The following GPI variants were observed in gnomAD, a reference collection of about 807,000 sequenced individuals.
The protein encoded by GPI is glucose-6-phosphate isomerase.
GPI carries 56 observed loss-of-function variants against 75.8 expected under a neutral mutation model. That is an observed-to-expected ratio of 0.74 (90% CI 0.60 to 0.92). The LOEUF (loss-of-function observed/expected upper bound fraction) is 0.92, where lower values mean the gene tolerates loss of function less well. GPI is among the 40% of genes least tolerant of loss of function. The pLI is 0.00. For synonymous variants in GPI, 288 were observed against 285.4 expected (o/e 1.01, Z -0.09); for missense variants, 638 against 741.0 (o/e 0.86, Z 1.61).
intron 14 of GPI, chr19:34,398,565 C>T (rs1019326239): frequency 6.6e-6 from 1 of 152,200 alleles, no homozygotes; most frequent in Non-Finnish European, 1.5e-5. Context: ...ACCTCAGCCT[C>T]CTGGGTTCAA....
upstream of GPI, among the ~76,000 whole-genome samples, chr19:34,360,179 C>T (rs928581235): frequency 1.3e-5 from 2 of 152,112 alleles, no homozygotes; most frequent in African/African-American, 2.4e-5. Context: ...GGGCATGACC[C>T]CTCCCAGCTT....
At chr19:34,383,295 C>G (rs1163327242) in intron 9 of GPI, among the ~76,000 whole-genome samples, 1 of 152,132 alleles carries the variant, frequency 6.6e-6, no homozygotes, top group Non-Finnish European at 1.5e-5. Context: ...AGGAGAGGGA[C>G]CCATAGGTCT....
At chr19:34,379,457 G>A in intron 7 of GPI, 61 bp from the exon 8 acceptor site, 1 of 1,432,958 alleles carries the variant, frequency 7.0e-7, no homozygotes, top group Non-Finnish European at 9.9e-7. Context: ...TCTAGTGATG[G>A]GAAGTGACTA....
chr19:34,371,629 T>C (rs1388975676), intron 4 of GPI, among the ~76,000 whole-genome samples: 1 of 151,794 alleles, frequency 6.6e-6, no homozygotes, highest in Non-Finnish European at 1.5e-5. Context: ...GGTGGGTGGA[T>C]CACGAGGTCA....
In GPI at chr19:34,368,813, C is replaced by G. The variant is rs1028415373; in HGVS notation, c.402+111C>G. On this transcript the variant is annotated intron_variant, in intron 4 of 17. Coordinates refer to ENST00000356487, the MANE Select transcript of GPI (RefSeq NM_000175.5). ...TCTTCTTGTAGGCAGGACTCAGGTTCTCACTGCAGCTTAAGGGAGGGGTTG... is the reference window on the plus strand; with the variant it reads ...TCTTCTTGTAGGCAGGACTCAGGTTGTCACTGCAGCTTAAGGGAGGGGTTG... The G allele has an allele frequency of 2.4e-6, 3 of 1,229,522 alleles. No homozygotes were observed. The African/African-American group carries it at 4.5e-5, about 18-fold the overall frequency. 76.2% of individuals were successfully genotyped at this position (1,229,522 alleles called of 1,614,324 possible).
At chr19:34,384,114 G>A (rs949706305) in intron 9 of GPI, among the ~76,000 whole-genome samples, 1 of 152,160 alleles carries the variant, frequency 6.6e-6, no homozygotes, top group Non-Finnish European at 1.5e-5. Context: ...GTCGAGCTGG[G>A]TCTGACAAGT....
intron 6 of GPI, 79 bp from the exon 7 acceptor site, chr19:34,378,855 C>A: frequency 9.9e-7 from 1 of 1,010,780 alleles, no homozygotes; most frequent in Non-Finnish European, 1.6e-6. Flanking sequence ...ATTGCCTTGG[C>A]CTCTACTGCT....
chr19:34,383,246 C>T (rs1354260640), intron 9 of GPI, among the ~76,000 whole-genome samples: 1 of 152,142 alleles, frequency 6.6e-6, no homozygotes, highest in African/African-American at 2.4e-5. Flanking sequence ...GAAGCAGAGC[C>T]AGAGCAGGTC....
At chr19:34,382,613 C>T (rs984771679) in intron 9 of GPI, among the ~76,000 whole-genome samples, 2 of 152,142 alleles carry the variant, frequency 1.3e-5, no homozygotes, top group South Asian at 4.1e-4. Flanking sequence ...AGGGCAGGCA[C>T]CTTCCACCTC....
intron 9 of GPI, among the ~76,000 whole-genome samples, chr19:34,382,092 CT>C (rs1296409503): frequency 6.6e-6 from 1 of 152,190 alleles, no homozygotes; most frequent in African/African-American, 2.4e-5. Context: ...TGAGCCACAG[CT>C]TTCCTTGTGC....
intron 1 of GPI, 187 bp from the exon 2 acceptor site, chr19:34,366,158 G>T: frequency 1.4e-6 from 1 of 699,518 alleles, no homozygotes. Context: ...TTCTTTCTCT[G>T]GGCTGCTGTT....
intron 4 of GPI, among the ~76,000 whole-genome samples, chr19:34,376,506 G>A (rs951434091): frequency 6.6e-6 from 1 of 151,610 alleles, no homozygotes; most frequent in South Asian, 2.1e-4. Flanking sequence ...GGAGGCTGCA[G>A]TGAGCTGAGA....
At chr19:34,395,187 A>T (rs147973200) in intron 12 of GPI, among the ~76,000 whole-genome samples, 235 of 152,242 alleles carry the variant, frequency 1.5e-3, no homozygotes, top group Non-Finnish European at 2.9e-3. Flanking sequence ...ACCAGGGCCC[A>T]GGTGGGTACC....
At position 34,368,720 on chromosome 19, in the gene GPI, C is replaced by T. The variant is rs372149277; in HGVS notation, c.402+18C>T. 1.1e-5 allele frequency: 18 copies of T among 1,613,934 alleles called. No individual in the cohort carries two copies. Among genetic ancestry groups the T allele is most frequent in the South Asian group, 6.6e-5 (6 of 91,074 alleles). Reference sequence around the variant, plus strand: ...TCTGCCAGGTAAGTGGCTACTGGGCCGGACTCACCCTTGGCCGTGTGTGTG... The same window carrying T: ...TCTGCCAGGTAAGTGGCTACTGGGCTGGACTCACCCTTGGCCGTGTGTGTG... On this transcript the variant is annotated intron_variant, in intron 4 of 17. Coordinates refer to ENST00000356487, the MANE Select transcript of GPI (RefSeq NM_000175.5).
At chr19:34,369,594 C>G (rs1303312178) in intron 4 of GPI, among the ~76,000 whole-genome samples, 3 of 152,000 alleles carry the variant, frequency 2.0e-5, no homozygotes, top group African/African-American at 7.3e-5. Flanking sequence ...GCAATCCCAG[C>G]TACTTGGGAG....
Position 34,400,167 on chromosome 19 carries a change from T to G in GPI, c.*131T>G. On this transcript the variant is annotated 3_prime_UTR_variant, in exon 18 of 18. Coordinates refer to ENST00000356487, the MANE Select transcript of GPI (RefSeq NM_000175.5). ...GGTTGTGGGCTTGGACCACGAGCCC[T>G]TAGCAGGGAAGGCTGGTCTCCCCCA... 1.0e-6 allele frequency: 1 copy of G among 957,400 alleles called. No homozygotes were observed. The highest frequency in any genetic ancestry group is 1.7e-6 in the Non-Finnish European group (1 of 602,312). 59.3% of individuals were successfully genotyped at this position (957,400 alleles called of 1,614,324 possible). A position where few individuals can be genotyped will look rare whatever the true frequency, so the allele number is the denominator to read the frequency against.
At chr19:34,391,209 G>A (rs1263545106) in intron 9 of GPI, among the ~76,000 whole-genome samples, 2 of 36,790 alleles carry the variant, frequency 5.4e-5, no homozygotes, top group Non-Finnish European at 1.0e-4. Context: ...CTGGGTACAA[G>A]TATGAGGATC....
In GPI at chr19:34,400,730, ACTGGAATTTTT is replaced by A; in HGVS notation, c.*695_*705del. 1 of 399,890 alleles carries A rather than the reference ACTGGAATTTTT, an allele frequency of 2.5e-6. No homozygotes were observed. Among genetic ancestry groups the A allele is most frequent in the Non-Finnish European group, 4.4e-6 (1 of 227,242 alleles). 24.8% of individuals were successfully genotyped at this position (399,890 alleles called of 1,614,324 possible). On this transcript the variant is annotated 3_prime_UTR_variant, in exon 18 of 18. Coordinates refer to ENST00000356487, the MANE Select transcript of GPI (RefSeq NM_000175.5). ...TTGCTTTAAAAGGCAGATATTGAAA[ACTGGAATTTTT>A]TTTTTTTGAGTCTCGCTCTGTCACC...
At position 34,365,354 on chromosome 19, in the gene GPI, T is replaced by G. The variant is rs1435493152; in HGVS notation, c.88T>G (p.Phe30Val). 6.3e-7 allele frequency: 1 copy of G among 1,590,908 alleles called. No individual in the cohort carries two copies. The highest frequency in any genetic ancestry group is 8.5e-7 in the Non-Finnish European group (1 of 1,170,612). The change falls in exon 1 of 18, where the codon TTC becomes GTC. Residue 30 changes from phenylalanine to valine, a missense_variant. Phe to Val is a conservative substitution (Grantham distance 50). Transcript: ENST00000356487. Reference sequence around the variant, plus strand: ...CTCCGAGCTGAACCTGCGCCGCCTCTTCGATGCCAACAAGGACCGCTTCAA... The same window carrying G: ...CTCCGAGCTGAACCTGCGCCGCCTCGTCGATGCCAACAAGGACCGCTTCAA... ...HRSELNLRRLFDANKDRFNHF... is the reference protein window; with the variant it reads ...HRSELNLRRLVDANKDRFNHF...
Sources: allele counts gnomAD v4.1 joint callset (sites outside exome capture counted in the v4.1 genomes callset), GRCh38; gene constraint gnomAD v4.1.1; transcripts MANE v1.5; gene names NCBI Gene and HGNC (gene_info 2026-07-23, HGNC 2026-07-21).